Variants in SETBP1 observed in about 807,000 individuals in gnomAD.
SETBP1 encodes the protein SET binding protein 1, also known as SET-binding protein.
SETBP1 carries 9 observed loss-of-function variants against 101.0 expected under a neutral mutation model. The observed-to-expected ratio is 0.09, with a 90% CI of 0.05 to 0.16. The LOEUF (loss-of-function observed/expected upper bound fraction) is 0.16, where lower values mean the gene tolerates loss of function less well. Ranked by LOEUF, SETBP1 falls within the 10% of genes least tolerant of loss-of-function variation. SETBP1 has a pLI of 1.00. For synonymous variants in SETBP1, 818 were observed against 788.5 expected (o/e 1.04, Z -0.63); for missense variants, 1,858 against 2,033.8 (o/e 0.91, Z 1.66).
chr18:44,865,736 G>A (rs1289770839), intron 2 of SETBP1, among the ~76,000 whole-genome samples: 2 of 117,884 alleles, frequency 1.7e-5, no homozygotes, highest in East Asian at 2.6e-4. Context: ...CAGGAAGGCA[G>A]AAGGCCAGAA....
chr18:44,789,291 T>C (rs1465973227), intron 2 of SETBP1, among the ~76,000 whole-genome samples: 1 of 152,208 alleles, frequency 6.6e-6, no homozygotes, highest in Non-Finnish European at 1.5e-5. Context: ...TCCTCAACTT[T>C]TCCCTCTGTA....
chr18:44,778,902 G>A (rs1440770700), intron 2 of SETBP1, among the ~76,000 whole-genome samples: 2 of 149,194 alleles, frequency 1.3e-5, no homozygotes, highest in South Asian at 2.2e-4. Context: ...TGCGCAGTGT[G>A]GGGTGGTGTC....
intron 5 of SETBP1, among the ~76,000 whole-genome samples, chr18:45,043,989 C>CA (rs2073561499): frequency 6.6e-6 from 1 of 152,032 alleles, no homozygotes; most frequent in Non-Finnish European, 1.5e-5. Flanking sequence ...TATCCAGCTA[C>CA]AAAAAAGAGC....
At chr18:45,014,121 AGCCAGTGCCT>A (rs1599448739) in intron 4 of SETBP1, among the ~76,000 whole-genome samples, 1 of 152,240 alleles carries the variant, frequency 6.6e-6, no homozygotes, top group African/African-American at 2.4e-5. Flanking sequence ...GGCTGTGGAA[AGCCAGTGCCT>A]GCTGTACAAT....
intron 2 of SETBP1, among the ~76,000 whole-genome samples, chr18:44,837,548 A>G (rs1480194515): frequency 1.3e-5 from 2 of 152,238 alleles, no homozygotes; most frequent in Admixed American, 6.5e-5. Context: ...TAGTCATCAC[A>G]TAAATGCTGT....
intron 2 of SETBP1, among the ~76,000 whole-genome samples, chr18:44,845,308 C>T (rs1442194572): frequency 1.3e-5 from 2 of 152,164 alleles, no homozygotes; most frequent in Admixed American, 6.5e-5. Flanking sequence ...AACCATCCAG[C>T]CCCCTTCCAC....
At chr18:44,894,171 G>A (rs1441835249) in intron 3 of SETBP1, among the ~76,000 whole-genome samples, 1 of 152,158 alleles carries the variant, frequency 6.6e-6, no homozygotes, top group Non-Finnish European at 1.5e-5. Context: ...ATCACCTCAA[G>A]CAGGTCACTT....
chr18:44,706,964 ATAACT>A (rs1456818745), intron 2 of SETBP1, among the ~76,000 whole-genome samples: 2 of 152,220 alleles, frequency 1.3e-5, no homozygotes, highest in East Asian at 3.8e-4. Flanking sequence ...CATCATCATA[ATAACT>A]TTGATTTCTT....
intron 5 of SETBP1, among the ~76,000 whole-genome samples, chr18:45,056,149 G>A (rs1379134068): frequency 6.6e-6 from 1 of 152,186 alleles, no homozygotes; most frequent in Non-Finnish European, 1.5e-5. Context: ...GGCAACTCAT[G>A]TATACAGTTT....
At position 45,064,053 on chromosome 18, in the gene SETBP1, T is replaced by A. The variant is rs534272941; in HGVS notation, c.*355T>A. 6.1e-5 allele frequency: 12 copies of A among 197,948 alleles called. No homozygotes were observed. In the South Asian group the frequency reaches 9.1e-4, roughly 15 times the overall value. 12.3% of individuals were successfully genotyped at this position (197,948 alleles called of 1,614,324 possible). On this transcript the variant is annotated 3_prime_UTR_variant, in exon 6 of 6. Transcript: ENST00000649279. ...GTGCGCCCTCGACTCCCGATTTCAT[T>A]TGCTGGCCAGGAAAATCGAAAGGGA...
At chr18:44,716,378 G>A (rs1286986180) in intron 2 of SETBP1, among the ~76,000 whole-genome samples, 1 of 152,146 alleles carries the variant, frequency 6.6e-6, no homozygotes, top group Non-Finnish European at 1.5e-5. Flanking sequence ...ACCACTGACG[G>A]AAGTTTTTCT....
At chr18:44,845,427 G>A (rs1385414018) in intron 2 of SETBP1, among the ~76,000 whole-genome samples, 1 of 152,182 alleles carries the variant, frequency 6.6e-6, no homozygotes, top group Non-Finnish European at 1.5e-5. Context: ...TAACCTACAT[G>A]GTGCCAGAGA....
chr18:44,816,115 T>G (rs1599166623), intron 2 of SETBP1, among the ~76,000 whole-genome samples: 1 of 149,674 alleles, frequency 6.7e-6, no homozygotes, highest in Non-Finnish European at 1.5e-5. Flanking sequence ...GAGGGGGAGG[T>G]GAGGGAGGGG....
chr18:44,779,033 A>G (rs2071068167), intron 2 of SETBP1, among the ~76,000 whole-genome samples: 1 of 152,206 alleles, frequency 6.6e-6, no homozygotes, highest in African/African-American at 2.4e-5. Context: ...GCCTCTGGCC[A>G]CCGCCGTGTG....
Position 44,950,878 on chromosome 18 carries a change from C to A in SETBP1, c.1538C>A (p.Ser513Tyr), listed in dbSNP as rs1296705413. Reference sequence around the variant, plus strand: ...ACACCTCCAACGTGCACAGATCACTCTCCATCCAGAAAGCTGCCAGAAATC... The same window carrying A: ...ACACCTCCAACGTGCACAGATCACTATCCATCCAGAAAGCTGCCAGAAATC... Reference protein sequence around the residue: ...VMTPPTCTDHSPSRKLPEIQH... With the variant: ...VMTPPTCTDHYPSRKLPEIQH... Residue 513 changes from serine (S) to tyrosine (Y), a missense_variant, in exon 4 of 6, where the codon TCT (serine) becomes TAT (tyrosine). By Grantham distance (144) the Ser-to-Tyr change is moderately radical. Coordinates refer to ENST00000649279, the MANE Select transcript of SETBP1 (RefSeq NM_015559.3). 2 of 1,614,190 alleles carry A rather than the reference C, an allele frequency of 1.2e-6. No individual in the cohort carries two copies.
At chr18:44,913,688 T>C (rs1320887538) in intron 3 of SETBP1, among the ~76,000 whole-genome samples, 1 of 152,178 alleles carries the variant, frequency 6.6e-6, no homozygotes, top group Admixed American at 6.6e-5. Flanking sequence ...AGCCTCCTTG[T>C]ATTGGTGGAG....
chr18:44,798,366 G>A (rs1366096786), intron 2 of SETBP1, among the ~76,000 whole-genome samples: 3 of 150,832 alleles, frequency 2.0e-5, no homozygotes, highest in African/African-American at 7.3e-5. Context: ...GAGAAGGAAG[G>A]TGGCTCCCTA....
At chr18:44,968,214 GTTCT>G (rs1257174557) in intron 4 of SETBP1, among the ~76,000 whole-genome samples, 2 of 152,104 alleles carry the variant, frequency 1.3e-5, no homozygotes, top group African/African-American at 4.8e-5. Flanking sequence ...TATGTATAGT[GTTCT>G]TTGAGAAAAT....
chr18:44,877,202 G>A (rs543634104), intron 3 of SETBP1: 131 of 823,104 alleles, frequency 1.6e-4, no homozygotes, highest in Non-Finnish European at 1.9e-4. Flanking sequence ...GATACATTTA[G>A]AAACTTTTAT....
Sources: gnomAD v4.1 joint callset for allele counts (sites outside exome capture counted in the v4.1 genomes callset) on GRCh38, gnomAD v4.1.1 for gene constraint, MANE v1.5 for transcripts, NCBI Gene and HGNC (gene_info 2026-07-23, HGNC 2026-07-21) for gene names.